The following SEMA6A variants were observed in gnomAD, a reference collection of about 807,000 sequenced individuals.
SEMA6A encodes semaphorin-6A.
A neutral mutation model predicts 96.8 loss-of-function variants in SEMA6A; 25 were observed. That is an observed-to-expected ratio of 0.26 (90% CI 0.19 to 0.36). The LOEUF (loss-of-function observed/expected upper bound fraction) is 0.36. Ranked by LOEUF, SEMA6A falls within the 10% of genes least tolerant of loss-of-function variation. The pLI is 1.00. For missense variants in SEMA6A, 1,363 were observed against 1,323.1 expected (o/e 1.03, Z -0.47); for synonymous variants, 612 against 518.0 (o/e 1.18, Z -2.46).
rs756373769 is a variant in SEMA6A, at chr5:116,446,976, AGAG to A, written c.2727_2729del (p.Ser911del). On this transcript the variant is annotated inframe_deletion, in exon 19 of 19. Transcript: ENST00000343348. ...TCCTCTTATAGTCAACCCCGTAGGA[AGAG>A]GAGTGGTGCATTTCCAGCCGCTTGC... 2 of 1,613,842 alleles carry A rather than the reference AGAG, an allele frequency of 1.2e-6. No homozygotes were observed. The highest frequency in any genetic ancestry group is 2.7e-5 in the African/African-American group (2 of 74,998).
At chr5:116,491,314 G>A (rs867613667) in intron 7 of SEMA6A, among the ~76,000 whole-genome samples, 3 of 152,210 alleles carry the variant, frequency 2.0e-5, no homozygotes, top group African/African-American at 7.2e-5. Context: ...GCATGGGAAT[G>A]AAAAGGAGCT....
intron 1 of SEMA6A, among the ~76,000 whole-genome samples, chr5:116,515,118 T>C (rs947416676): frequency 1.3e-5 from 2 of 152,094 alleles, no homozygotes; most frequent in Admixed American, 6.6e-5. Flanking sequence ...ACATTTCAGG[T>C]AGAAGGGCCA....
chr5:116,528,280 G>T (rs1759315536), intron 1 of SEMA6A, among the ~76,000 whole-genome samples: 1 of 152,096 alleles, frequency 6.6e-6, no homozygotes, highest in African/African-American at 2.4e-5. Flanking sequence ...CTTCCAGCCA[G>T]GTTTCTTGCT....
chr5:116,529,451 A>C (rs1759368155), intron 1 of SEMA6A, among the ~76,000 whole-genome samples: 1 of 152,168 alleles, frequency 6.6e-6, no homozygotes, highest in South Asian at 2.1e-4. Flanking sequence ...TGGAAATGCT[A>C]ATTACCCTGA....
intron 1 of SEMA6A, chr5:116,536,302 A>C (rs1759704911): frequency 2.1e-5 from 3 of 142,818 alleles, no homozygotes; most frequent in Non-Finnish European, 4.7e-5. Flanking sequence ...ACTTACAAAC[A>C]AAAAAAAAAA....
At chr5:116,503,474 C>G (rs1294453527) in intron 2 of SEMA6A, among the ~76,000 whole-genome samples, 1 of 151,556 alleles carries the variant, frequency 6.6e-6, no homozygotes, top group Non-Finnish European at 1.5e-5. Context: ...TGAGTGATCA[C>G]TGAAGGGTGG....
At chr5:116,463,705 T>C (rs1399426129) in intron 18 of SEMA6A, among the ~76,000 whole-genome samples, 3 of 152,222 alleles carry the variant, frequency 2.0e-5, no homozygotes, top group Non-Finnish European at 2.9e-5. Context: ...TCCCAAAAGA[T>C]AGAAGCATAC....
chr5:116,499,876 A>C (rs956822840), intron 3 of SEMA6A, among the ~76,000 whole-genome samples: 1 of 152,218 alleles, frequency 6.6e-6, no homozygotes, highest in Non-Finnish European at 1.5e-5. Flanking sequence ...ACACTCATGT[A>C]GCCCTGGGAC....
At chr5:116,537,321 G>T (rs1561524595) in intron 1 of SEMA6A, among the ~76,000 whole-genome samples, 1 of 152,188 alleles carries the variant, frequency 6.6e-6, no homozygotes, top group Non-Finnish European at 1.5e-5. Flanking sequence ...TTCCAGAGAA[G>T]TTAAATGACT....
intron 1 of SEMA6A, among the ~76,000 whole-genome samples, chr5:116,542,735 C>G (rs190376654): frequency 6.6e-6 from 1 of 152,206 alleles, no homozygotes; most frequent in Non-Finnish European, 1.5e-5. Flanking sequence ...CCTGGTCAAG[C>G]TAGTTTCTGC....
chr5:116,486,332 G>C (rs1204613794), intron 10 of SEMA6A, among the ~76,000 whole-genome samples: 2 of 152,200 alleles, frequency 1.3e-5, no homozygotes, highest in East Asian at 3.9e-4. Context: ...ACCTAGAAGA[G>C]ACAGGACGAA....
intron 18 of SEMA6A, among the ~76,000 whole-genome samples, chr5:116,462,906 C>T (rs1381540843): frequency 6.6e-6 from 1 of 152,130 alleles, no homozygotes; most frequent in African/African-American, 2.4e-5. Flanking sequence ...TTATATCCCT[C>T]ATAACTCCTG....
Position 116,467,683 on chromosome 5 carries a change from C to T in SEMA6A, c.1794G>A (p.Glu598=). 1 of 1,613,846 alleles carries T rather than the reference C, an allele frequency of 6.2e-7. No homozygotes were observed. The highest frequency in any genetic ancestry group is 8.5e-7 in the Non-Finnish European group (1 of 1,179,860). The part of the protein sequence containing the change: ...TSDSTAQEGY[E]SRGGMLDWKH... ...TCCAGTCCAGCATTCCTCCCCTAGA[C>T]TCATACCCCTCTTGAGCCGTCGAAT... The change falls in exon 18 of 19, where the codon GAG becomes GAA. Residue 598 remains glutamate (E), a synonymous_variant. Transcript: ENST00000343348.
At chr5:116,459,977 G>A (rs1272085409) in intron 18 of SEMA6A, among the ~76,000 whole-genome samples, 1 of 152,192 alleles carries the variant, frequency 6.6e-6, no homozygotes, top group Admixed American at 6.5e-5. Context: ...TTTGAGATGA[G>A]ATTGTCAGCA....
chr5:116,475,671 A>G lies in SEMA6A; in HGVS notation c.1650-68T>C, dbSNP rs578054218. 7.0e-6 allele frequency: 8 copies of G among 1,144,780 alleles called. No individual in the cohort carries two copies. In the Admixed American group the frequency reaches 1.6e-4, roughly 24 times the overall value. 70.9% of individuals were successfully genotyped at this position (1,144,780 alleles called of 1,614,324 possible). A position where few individuals can be genotyped will look rare whatever the true frequency, so the allele number is the denominator to read the frequency against. Reference sequence around the variant, plus strand: ...TAACGTGAGTCTTCAGAAATGAGTCAAGCTTCACTAAAGACAGTAACACAG... The same window carrying G: ...TAACGTGAGTCTTCAGAAATGAGTCGAGCTTCACTAAAGACAGTAACACAG... On this transcript the variant is annotated intron_variant, in intron 15 of 18. Coordinates refer to ENST00000343348, the MANE Select transcript of SEMA6A (RefSeq NM_020796.5).
intron 1 of SEMA6A, among the ~76,000 whole-genome samples, chr5:116,509,381 A>C (rs949031231): frequency 6.6e-6 from 1 of 152,190 alleles, no homozygotes; most frequent in Non-Finnish European, 1.5e-5. Flanking sequence ...TTCTAATATC[A>C]TATGAAGTTT....
Position 116,473,089 on chromosome 5 carries a change from G to T in SEMA6A, c.1713C>A (p.Ser571=), listed in dbSNP as rs765963071. The change falls in exon 17 of 19, where the codon TCC becomes TCA. Residue 571 remains serine, a synonymous_variant. Transcript: ENST00000343348. ...CTTCCTTACCATTCAGTGCCACAAA[G>T]GAATCTGAAAGACAAAAGGGAGGAG... is the stretch of plus-strand genomic sequence containing the variant. ...NTDGLGDCHN[S]FVALNGHSSS... 8.2e-6 allele frequency: 13 copies of T among 1,594,526 alleles called. No homozygotes were observed. In the East Asian group the frequency reaches 2.9e-4, roughly 36 times the overall value.
At chr5:116,489,567 C>G (rs1757234943) in intron 7 of SEMA6A, among the ~76,000 whole-genome samples, 2 of 152,242 alleles carry the variant, frequency 1.3e-5, no homozygotes, top group African/African-American at 4.8e-5. Context: ...TCAGGCTTGA[C>G]AGTTCACTAA....
At chr5:116,454,765 A>AACTT (rs1308355014) in intron 18 of SEMA6A, among the ~76,000 whole-genome samples, 1 of 151,450 alleles carries the variant, frequency 6.6e-6, no homozygotes, top group Non-Finnish European at 1.5e-5. Flanking sequence ...TGGAGTTTAT[A>AACTT]ACTTAAAGTT....
Sources: gnomAD v4.1 joint callset for allele counts (sites outside exome capture counted in the v4.1 genomes callset) on GRCh38, gnomAD v4.1.1 for gene constraint, MANE v1.5 for transcripts, NCBI Gene and HGNC (gene_info 2026-07-23, HGNC 2026-07-21) for gene names.